BICD1: variants seen among roughly 807,000 people sequenced by gnomAD.
The protein encoded by BICD1 is BICD cargo adaptor 1, also known as protein bicaudal D homolog 1.
In BICD1, 35 loss-of-function variants were observed where a neutral mutation model predicts 92.5. That is an observed-to-expected ratio of 0.38 (90% CI 0.29 to 0.50). BICD1 has a LOEUF of 0.50. Among genes scored for constraint, BICD1 ranks in the 20% least tolerant of loss-of-function variants. BICD1 has a pLI of 0.93. For missense variants in BICD1, 950 were observed against 1,189.8 expected, an observed-to-expected ratio of 0.80 and a Z score of 2.97; for synonymous variants, 429 against 465.1, an observed-to-expected ratio of 0.92 and a Z score of 1.00.
chr12:32,221,024 C>T, intron 2 of BICD1, among the ~76,000 whole-genome samples: 1 of 141,754 alleles, frequency 7.1e-6, no homozygotes, highest in Non-Finnish European at 1.5e-5. Context: ...TATTCTCACT[C>T]ATAGGTGGGA....
intron 1 of BICD1, among the ~76,000 whole-genome samples, chr12:32,190,136 C>T (rs1006436846): frequency 2.0e-5 from 3 of 151,994 alleles, no homozygotes; most frequent in African/African-American, 7.2e-5. Context: ...TGAATCAAAG[C>T]ATACCACTAC....
chr12:32,217,317 G>T (rs1489048014), intron 2 of BICD1, among the ~76,000 whole-genome samples: 1 of 152,170 alleles, frequency 6.6e-6, no homozygotes, highest in East Asian at 1.9e-4. Flanking sequence ...GCATTTTAGT[G>T]ATAGAAATAT....
chr12:32,345,790 T>C (rs1043812087), intron 8 of BICD1, among the ~76,000 whole-genome samples: 1 of 152,208 alleles, frequency 6.6e-6, no homozygotes, highest in Admixed American at 6.5e-5. Flanking sequence ...AACTATTCAA[T>C]AGAAATATGA....
intron 8 of BICD1, among the ~76,000 whole-genome samples, chr12:32,347,116 T>C (rs1285747624): frequency 2.0e-5 from 3 of 151,454 alleles, no homozygotes; most frequent in African/African-American, 4.8e-5. Context: ...CATGCCTGGC[T>C]AATTTTGTAT....
intron 1 of BICD1, among the ~76,000 whole-genome samples, chr12:32,134,075 C>T (rs1942648043): frequency 6.6e-6 from 1 of 152,152 alleles, no homozygotes; most frequent in South Asian, 2.1e-4. Flanking sequence ...GCCACTGTGC[C>T]TGGCTGGATG....
chr12:32,116,510 C>CTCTA (rs1233964108), intron 1 of BICD1, among the ~76,000 whole-genome samples: 74 of 104,406 alleles, frequency 7.1e-4, no homozygotes, highest in Admixed American at 2.3e-3. Context: ...CTCTCTCTCT[C>CTCTA]TATATATATA....
chr12:32,133,932 C>T lies in BICD1; in HGVS notation c.213+26388C>T, dbSNP rs552994921. 2.0e-5 allele frequency among the ~76,000 whole-genome samples: 3 copies of T among 152,142 alleles called. No individual in the cohort carries two copies. The East Asian group carries it at 5.8e-4, about 29-fold the overall frequency. ...GAGTAGCTGGGACTACAGGCGCCTG[C>T]CACCACGCCTGGCTAATTTTTTGTA... On this transcript the variant is annotated intron_variant, in intron 1 of 9. Transcript: ENST00000652176.
intron 1 of BICD1, among the ~76,000 whole-genome samples, chr12:32,191,076 T>C (rs1944549886): frequency 1.3e-5 from 2 of 152,080 alleles, no homozygotes; most frequent in South Asian, 2.1e-4. Context: ...AGTTACAGGA[T>C]GCAGCAAAAG....
intron 1 of BICD1, among the ~76,000 whole-genome samples, chr12:32,158,683 C>T (rs190881776): frequency 2.8e-4 from 43 of 152,300 alleles, no homozygotes; most frequent in African/African-American, 1.0e-3. Flanking sequence ...TTGCTTCCTT[C>T]TCATGTGGCT....
chr12:32,268,493 T>A (rs1947056785), intron 2 of BICD1, among the ~76,000 whole-genome samples: 1 of 152,184 alleles, frequency 6.6e-6, no homozygotes. Context: ...TAGAAGCTTG[T>A]AAAAATAAGA....
At chr12:32,120,968 A>ATT (rs1276999379) in intron 1 of BICD1, among the ~76,000 whole-genome samples, 2,464 of 128,468 alleles carry the variant, frequency 0.019, 84 homozygotes, top group South Asian at 0.041. Context: ...GCTCCATAGA[A>ATT]TTTTTTTTTT....
chr12:32,146,831 C>CTCCT (rs1943121237), intron 1 of BICD1, among the ~76,000 whole-genome samples: 1 of 145,806 alleles, frequency 6.9e-6, no homozygotes, highest in African/African-American at 2.5e-5. Flanking sequence ...CCCTCCCTCC[C>CTCCT]TCCCTTCCTT....
intron 1 of BICD1, among the ~76,000 whole-genome samples, chr12:32,133,703 A>G (rs1942634952): frequency 6.6e-6 from 1 of 152,140 alleles, no homozygotes; most frequent in African/African-American, 2.4e-5. Context: ...TTATTCCTAT[A>G]AAGTCAAACA....
At chr12:32,202,095 C>A (rs922394086) in intron 1 of BICD1, among the ~76,000 whole-genome samples, 3 of 152,164 alleles carry the variant, frequency 2.0e-5, no homozygotes, top group Non-Finnish European at 1.5e-5. Flanking sequence ...TTTTTGAACC[C>A]AAGATTTCCT....
rs556374918 is a variant in BICD1, at chr12:32,115,484, A to G, written c.213+7940A>G. 2.0e-5 allele frequency among the ~76,000 whole-genome samples: 3 copies of G among 151,906 alleles called. No homozygotes were observed. The South Asian group carries it at 6.3e-4, about 32-fold the overall frequency. On this transcript the variant is annotated intron_variant, in intron 1 of 9. Transcript: ENST00000652176. Reference sequence around the variant, plus strand: ...TTAGTAGTATGTCCTTTCAAAAGGCAGGTATTTACGAGACAAAGCTGCATT... The same window carrying G: ...TTAGTAGTATGTCCTTTCAAAAGGCGGGTATTTACGAGACAAAGCTGCATT...
chr12:32,208,193 C>T (rs923271391), intron 1 of BICD1, among the ~76,000 whole-genome samples: 3 of 152,166 alleles, frequency 2.0e-5, no homozygotes, highest in African/African-American at 7.2e-5. Flanking sequence ...AAAAACCTTG[C>T]CAAACATTTC....
intron 1 of BICD1, among the ~76,000 whole-genome samples, chr12:32,125,248 T>C (rs952675846): frequency 2.6e-5 from 4 of 152,342 alleles, no homozygotes; most frequent in Admixed American, 2.6e-4. Context: ...CCCTGCAGTC[T>C]TGACTGAGCT....
intron 1 of BICD1, among the ~76,000 whole-genome samples, chr12:32,177,772 T>TTA (rs1356659231): frequency 2.8e-4 from 9 of 32,180 alleles, no homozygotes; most frequent in Admixed American, 1.5e-3. Context: ...TAATATATAT[T>TTA]TAATATATAA....
chr12:32,118,891 G>T (rs552074097), intron 1 of BICD1, among the ~76,000 whole-genome samples: 10 of 152,208 alleles, frequency 6.6e-5, no homozygotes, highest in African/African-American at 2.4e-4. Flanking sequence ...GAGATACAGC[G>T]TTGAACAAGA....
Sources: allele counts gnomAD v4.1 joint callset (sites outside exome capture counted in the v4.1 genomes callset), GRCh38; gene constraint gnomAD v4.1.1; transcripts MANE v1.5; gene names NCBI Gene and HGNC (gene_info 2026-07-23, HGNC 2026-07-21).